Variants in PWWP2A observed in about 807,000 individuals in gnomAD.
PWWP2A encodes the protein PWWP domain containing 2A.
A neutral mutation model predicts 48.5 loss-of-function variants in PWWP2A; 18 were observed. That is an observed-to-expected ratio of 0.37 (90% CI 0.26 to 0.55). The LOEUF (loss-of-function observed/expected upper bound fraction) is 0.55. Among genes scored for constraint, PWWP2A ranks in the 20% least tolerant of loss-of-function variants. The probability of loss-of-function intolerance (pLI) is 0.81; values close to 1 mark genes in which losing one functional copy is unlikely to be tolerated. For synonymous variants in PWWP2A, 396 were observed against 387.7 expected, an observed-to-expected ratio of 1.02 and a Z score of -0.25; for missense variants, 867 against 976.4, an observed-to-expected ratio of 0.89 and a Z score of 1.49.
chr5:160,107,455 T>C lies in PWWP2A; in HGVS notation c.584+11350A>G, dbSNP rs532045834. 2.1e-4 allele frequency among the ~76,000 whole-genome samples: 32 copies of C among 152,336 alleles called. No homozygotes were observed. In the South Asian group the frequency reaches 6.6e-3, roughly 32 times the overall value. On this transcript the variant is annotated intron_variant, in intron 1 of 1. Transcript: ENST00000307063. ...GTGTGTCTGAATTTACTCAAGAATT[T>C]AGGGAAAACAGGGTAAATAAATACC...
At chr5:160,112,458 G>A (rs941737666) in intron 1 of PWWP2A, among the ~76,000 whole-genome samples, 23 of 152,200 alleles carry the variant, frequency 1.5e-4, no homozygotes, top group African/African-American at 5.1e-4. Context: ...CTGACCTTAC[G>A]TGACCCACCC....
chr5:160,046,968 C>T, the PWWP2A span, among the ~76,000 whole-genome samples: 2 of 152,046 alleles, frequency 1.3e-5, no homozygotes, highest in Non-Finnish European at 2.9e-5. Flanking sequence ...GCCGAGATCA[C>T]GCCATTACAC....
downstream of PWWP2A, among the ~76,000 whole-genome samples, chr5:160,086,465 C>T (rs150602154): frequency 1.4e-3 from 220 of 152,224 alleles, no homozygotes; most frequent in Non-Finnish European, 2.7e-3. Context: ...TGCAGTGAGT[C>T]ATGATTATAC....
Position 160,119,113 on chromosome 5 carries a change from C to T in PWWP2A, c.276G>A (p.Glu92=). Residue 92 remains glutamate (E), a synonymous_variant, in exon 1 of 2, where the codon GAG becomes GAA. Transcript: ENST00000307063. ...PEAVGPELEA[E]EKLSVRVAES... Reference sequence around the variant, plus strand: ...CCGCCACCCGAACGGACAGTTTCTCCTCAGCCTCCAGCTCCGGCCCCACCG... The same window carrying T: ...CCGCCACCCGAACGGACAGTTTCTCTTCAGCCTCCAGCTCCGGCCCCACCG... 1 of 1,587,474 alleles carries T rather than the reference C, an allele frequency of 6.3e-7. No individual in the cohort carries two copies. Among genetic ancestry groups the T allele is most frequent in the South Asian group, 1.1e-5 (1 of 90,278 alleles).
At chr5:160,112,471 C>T (rs11738192) in intron 1 of PWWP2A, among the ~76,000 whole-genome samples, 3 of 152,144 alleles carry the variant, frequency 2.0e-5, no homozygotes, top group African/African-American at 7.2e-5. Context: ...ACCCACCCAC[C>T]TCAGCCTCCC....
At chr5:160,112,871 G>A (rs374576040) in intron 1 of PWWP2A, among the ~76,000 whole-genome samples, 288 of 152,186 alleles carry the variant, frequency 1.9e-3, no homozygotes, top group African/African-American at 6.5e-3. Context: ...AGAAATTAAA[G>A]CCCAGGCCAG....
rs1216838873 is a variant in PWWP2A at position 160,109,780 on chromosome 5, T to A, written c.584+9025A>T. On this transcript the variant is annotated intron_variant, in intron 1 of 1. Transcript: ENST00000307063. ...GGGAAAAAAAAAAAAAAAAAATATA[T>A]ATATATATATATATATATATATATA... Among the ~76,000 whole-genome samples, 287 of 60,570 alleles carry A rather than the reference T, an allele frequency of 4.7e-3. 1 individual carries two copies. The highest frequency in any genetic ancestry group is 9.1e-3 in the Non-Finnish European group (243 of 26,570). 39.7% of individuals were successfully genotyped at this position (60,570 alleles called of 152,430 possible).
intron 1 of PWWP2A, among the ~76,000 whole-genome samples, chr5:160,097,719 G>T (rs1380510053): frequency 7.3e-6 from 1 of 136,436 alleles, no homozygotes; most frequent in East Asian, 2.3e-4. Flanking sequence ...GGGGGGGGGC[G>T]GTTGTTTTGT....
intron 4 of PWWP2A, among the ~76,000 whole-genome samples, chr5:160,066,296 ATT>A (rs59262456): frequency 9.5e-5 from 9 of 94,740 alleles, no homozygotes; most frequent in Admixed American, 2.5e-4. Context: ...AGTGGTTCTC[ATT>A]TTTTTTTTTT....
chr5:160,088,220 T>C (rs1044498721), downstream of PWWP2A, among the ~76,000 whole-genome samples: 3 of 152,158 alleles, frequency 2.0e-5, no homozygotes, highest in African/African-American at 7.2e-5. Flanking sequence ...ATGTCCGGCA[T>C]GTTTTTTGTT....
At chr5:160,054,504 A>T in the PWWP2A span, among the ~76,000 whole-genome samples, 7 of 152,138 alleles carry the variant, frequency 4.6e-5, no homozygotes, top group Admixed American at 2.6e-4. Flanking sequence ...GGTCCCAGCT[A>T]CTTGGGAGGC....
Position 160,078,817 on chromosome 5 carries a change from T to C in PWWP2A, c.1670-649A>G, listed in dbSNP as rs907685375. ...GGTTAGACGGACCAGTATCCCTTGTTACACCAGCAAACGTGATTCTCAGCA... is the reference window on the plus strand; with the variant it reads ...GGTTAGACGGACCAGTATCCCTTGTCACACCAGCAAACGTGATTCTCAGCA... On this transcript the variant is annotated intron_variant, in intron 3 of 3. Coordinates refer to the PWWP2A transcript ENST00000456329. This position sits in a 1 kb window ranked among gnomAD's most constrained non-coding sequence, Gnocchi z 4.2. 2.6e-5 allele frequency among the ~76,000 whole-genome samples: 4 copies of C among 152,206 alleles called. No individual in the cohort carries two copies. Among genetic ancestry groups the C allele is most frequent in the Admixed American group, 6.5e-5 (1 of 15,284 alleles).
At chr5:160,063,328 T>C (rs1412214052) in intron 5 of PWWP2A, among the ~76,000 whole-genome samples, 2 of 152,158 alleles carry the variant, frequency 1.3e-5, no homozygotes, top group African/African-American at 2.4e-5. Flanking sequence ...GCAATCCTCC[T>C]AACTCAGCCT....
downstream of PWWP2A, among the ~76,000 whole-genome samples, chr5:160,071,699 G>A (rs968790857): frequency 6.6e-6 from 1 of 152,154 alleles, no homozygotes; most frequent in African/African-American, 2.4e-5. Flanking sequence ...GATTGCCCTT[G>A]GCTTAAGAGG....
chr5:160,103,122 T>C (rs1482579315), intron 1 of PWWP2A, among the ~76,000 whole-genome samples: 1 of 152,192 alleles, frequency 6.6e-6, no homozygotes, highest in East Asian at 1.9e-4. Flanking sequence ...AACAAATTTA[T>C]TTACATAGAG....
At chr5:160,109,140 C>T (rs1736497032) in intron 1 of PWWP2A, among the ~76,000 whole-genome samples, 1 of 152,240 alleles carries the variant, frequency 6.6e-6, no homozygotes, top group Admixed American at 6.5e-5. Flanking sequence ...CACACCACCA[C>T]ACCCAGCTAA....
At chr5:160,114,770 A>T (rs1269947034) in intron 1 of PWWP2A, among the ~76,000 whole-genome samples, 2 of 9,334 alleles carry the variant, frequency 2.1e-4, no homozygotes, top group African/African-American at 7.4e-4. Context: ...CTCAAGGGTA[A>T]AAAAAAAAAA....
At chr5:160,047,256 A>C in the PWWP2A span, among the ~76,000 whole-genome samples, 1,002 of 151,996 alleles carry the variant, frequency 6.6e-3, 16 homozygotes, top group African/African-American at 0.022. Flanking sequence ...CCCAGCCCCC[A>C]CACACACACA....
At chr5:160,076,502 C>A (rs568226782) in exon 4 of PWWP2A, 1 of 152,260 alleles carries the variant, frequency 6.6e-6, no homozygotes, top group Non-Finnish European at 1.5e-5. Context: ...AGTTCCTGAG[C>A]TGACTTTTTC....
Sources: allele counts gnomAD v4.1 joint callset (sites outside exome capture counted in the v4.1 genomes callset), GRCh38; gene constraint gnomAD v4.1.1; non-coding constraint Gnocchi (gnomAD v3.1); transcripts MANE v1.5; gene names NCBI Gene and HGNC (gene_info 2026-07-23, HGNC 2026-07-21).